Variants in GRIK2 observed in about 807,000 individuals in gnomAD.
GRIK2 encodes glutamate receptor ionotropic, kainate 2.
A neutral mutation model predicts 100.3 loss-of-function variants in GRIK2; 32 were observed. The observed-to-expected ratio is 0.32, with a 90% confidence interval of 0.24 to 0.43. The LOEUF is 0.43. GRIK2 is among the 20% of genes least tolerant of loss of function. The probability of loss-of-function intolerance (pLI) is 1.00; values close to 1 mark genes in which losing one functional copy is unlikely to be tolerated. For synonymous variants in GRIK2, 417 were observed against 389.4 expected, an observed-to-expected ratio of 1.07 and a Z score of -0.83; for missense variants, 843 against 1,114.9, an observed-to-expected ratio of 0.76 and a Z score of 3.47.
At chr6:101,742,004 T>C (rs1212831536) in intron 7 of GRIK2, among the ~76,000 whole-genome samples, 1 of 152,196 alleles carries the variant, frequency 6.6e-6, no homozygotes, top group Non-Finnish European at 1.5e-5. Flanking sequence ...AGGTCAACAC[T>C]CTGTTATACC....
chr6:101,797,056 C>A (rs932570781), intron 7 of GRIK2, among the ~76,000 whole-genome samples: 4 of 151,812 alleles, frequency 2.6e-5, no homozygotes, highest in Non-Finnish European at 4.4e-5. Context: ...TTATGTATGT[C>A]CTGTTAGATT....
chr6:101,694,653 A>G (rs1772350452), intron 7 of GRIK2, among the ~76,000 whole-genome samples: 1 of 152,014 alleles, frequency 6.6e-6, no homozygotes, highest in Non-Finnish European at 1.5e-5. Flanking sequence ...CTCTCATCAT[A>G]GAAGGAAGAG....
In GRIK2 at chr6:101,459,696, T is replaced by C. The variant is rs1771196049; in HGVS notation, c.115+60304T>C. On this transcript the variant is annotated intron_variant, in intron 2 of 16. Transcript: ENST00000369134. Reference sequence around the variant, plus strand: ...GGTGGCTAACGAATGAGTACCGAAATATAAAGGCTCACTCTAGAGTGTCCT... The same window carrying C: ...GGTGGCTAACGAATGAGTACCGAAACATAAAGGCTCACTCTAGAGTGTCCT... Among the ~76,000 whole-genome samples the C allele has an allele frequency of 3.9e-5, 6 of 152,126 alleles. No homozygotes were observed. The South Asian group carries it at 1.2e-3, about 31-fold the overall frequency.
intron 11 of GRIK2, among the ~76,000 whole-genome samples, chr6:101,868,142 A>G (rs1785169191): frequency 6.6e-6 from 1 of 151,462 alleles, no homozygotes; most frequent in South Asian, 2.1e-4. Context: ...ACTGGAAGCA[A>G]CTAATTTGTT....
intron 2 of GRIK2, among the ~76,000 whole-genome samples, chr6:101,495,097 A>G (rs1773365679): frequency 1.3e-5 from 2 of 150,786 alleles, no homozygotes; most frequent in South Asian, 2.1e-4. Flanking sequence ...TCTATAGTAT[A>G]TAAACTATTT....
intron 2 of GRIK2, among the ~76,000 whole-genome samples, chr6:101,478,760 G>A (rs755675510): frequency 6.6e-6 from 1 of 151,750 alleles, no homozygotes; most frequent in Non-Finnish European, 1.5e-5. Context: ...TCCTGACCTC[G>A]TGATCCGCTC....
rs1015098488 is a variant in GRIK2, at chr6:101,686,932, A to G, written c.951+579A>G. On this transcript the variant is annotated intron_variant, in intron 7 of 16. Coordinates refer to ENST00000369134, the MANE Select transcript of GRIK2 (RefSeq NM_021956.5). Reference sequence around the variant, plus strand: ...TATAACTTAGTTGTTTATGCCAAACAACTTTAGTTGTTTATACCAATGCTT... The same window carrying G: ...TATAACTTAGTTGTTTATGCCAAACGACTTTAGTTGTTTATACCAATGCTT... Among the ~76,000 whole-genome samples the G allele has an allele frequency of 5.7e-4, 86 of 152,112 alleles. 3 individuals are homozygous for G.
At position 101,581,662 on chromosome 6, in the gene GRIK2, T is replaced by A. The variant is rs1310616132; in HGVS notation, c.116-40287T>A. Among the ~76,000 whole-genome samples, 4 of 152,084 alleles carry A rather than the reference T, an allele frequency of 2.6e-5. No individual in the cohort carries two copies. The East Asian group carries it at 7.7e-4, about 29-fold the overall frequency. ...AGTGCTGCTTAAGATAGAGATGAAA[T>A]AAGAATACTCCATGCCTTCCAGAAA... On this transcript the variant is annotated intron_variant, in intron 2 of 16. Coordinates refer to ENST00000369134, the MANE Select transcript of GRIK2 (RefSeq NM_021956.5).
intron 10 of GRIK2, among the ~76,000 whole-genome samples, chr6:101,843,443 G>A (rs1042540957): frequency 2.0e-5 from 3 of 151,968 alleles, no homozygotes; most frequent in African/African-American, 4.8e-5. Context: ...TTCCATCTAC[G>A]CCACTTCTTT....
intron 7 of GRIK2, among the ~76,000 whole-genome samples, chr6:101,729,480 A>G (rs1234883554): frequency 6.6e-6 from 1 of 152,010 alleles, no homozygotes; most frequent in Non-Finnish European, 1.5e-5. Context: ...TTATGAAATT[A>G]TAGAATATAT....
chr6:101,895,816 A>G lies in GRIK2; in HGVS notation c.1748+5953A>G, dbSNP rs148453946. On this transcript the variant is annotated intron_variant, in intron 12 of 16. Transcript: ENST00000369134. ...AAATAAATTGCAGAAAAGCCTATTT[A>G]TTATTATTCTTCACACTTAGCAATT... Among the ~76,000 whole-genome samples, 1,204 of 151,806 alleles carry G rather than the reference A, an allele frequency of 7.9e-3. 22 individuals carry two copies. Among genetic ancestry groups the G allele is most frequent in the African/African-American group, 0.027 (1,140 of 41,504 alleles).
At chr6:101,937,760 A>G (rs1790706030) in intron 14 of GRIK2, among the ~76,000 whole-genome samples, 1 of 149,580 alleles carries the variant, frequency 6.7e-6, no homozygotes, top group African/African-American at 2.5e-5. Context: ...TGAAATATCT[A>G]TTGATCGTTT....
At chr6:101,699,625 T>C (rs1772740019) in intron 7 of GRIK2, among the ~76,000 whole-genome samples, 1 of 152,106 alleles carries the variant, frequency 6.6e-6, no homozygotes, top group Non-Finnish European at 1.5e-5. Flanking sequence ...TGATTCTTTG[T>C]AAATTTTTCC....
At position 101,719,566 on chromosome 6, in the gene GRIK2, C is replaced by T. The variant is rs1774327750; in HGVS notation, c.951+33213C>T. 3.3e-5 allele frequency among the ~76,000 whole-genome samples: 5 copies of T among 151,924 alleles called. No individual in the cohort carries two copies. In the South Asian group the frequency reaches 1.0e-3, roughly 31 times the overall value. On this transcript the variant is annotated intron_variant, in intron 7 of 16. Transcript: ENST00000369134. Reference sequence around the variant, plus strand: ...CCTTCAACAAGCTGGAATATAATAACATTAGGACTTTGGAGTTCAGTGGGC... The same window carrying T: ...CCTTCAACAAGCTGGAATATAATAATATTAGGACTTTGGAGTTCAGTGGGC...
chr6:101,404,330 A>G lies in GRIK2; in HGVS notation c.115+4938A>G, dbSNP rs1316499458. On this transcript the variant is annotated intron_variant, in intron 2 of 16. Coordinates refer to ENST00000369134, the MANE Select transcript of GRIK2 (RefSeq NM_021956.5). ...TATCATTGATTATCAAAGCCTTTTCAAGTTTTCTCACCATTACATAAAGTG... is the reference window on the plus strand; with the variant it reads ...TATCATTGATTATCAAAGCCTTTTCGAGTTTTCTCACCATTACATAAAGTG... Among the ~76,000 whole-genome samples, 5 of 152,220 alleles carry G rather than the reference A, an allele frequency of 3.3e-5. No homozygotes were observed. The East Asian group carries it at 9.6e-4, about 29-fold the overall frequency.
At chr6:101,635,081 T>C (rs2128321858) in intron 4 of GRIK2, among the ~76,000 whole-genome samples, 1 of 152,226 alleles carries the variant, frequency 6.6e-6, no homozygotes, top group Non-Finnish European at 1.5e-5. Context: ...TTATGAAGCA[T>C]ACAATCAAAT....
rs56712029 is a variant in GRIK2, at chr6:101,977,162, AT to A, written c.2085+48540del. On this transcript the variant is annotated intron_variant, in intron 14 of 16. Transcript: ENST00000369134. Reference sequence around the variant, plus strand: ...GAACTAAATAGGAGAGGGATTTATTATTTTTTTTTTACAAGAGAGGCTATAA... The same window carrying A: ...GAACTAAATAGGAGAGGGATTTATTATTTTTTTTTACAAGAGAGGCTATAA... Among the ~76,000 whole-genome samples, 184 of 149,084 alleles carry A rather than the reference AT, an allele frequency of 1.2e-3. 1 individual carries two copies. The highest frequency in any genetic ancestry group is 3.1e-3 in the African/African-American group (125 of 40,760).
intron 7 of GRIK2, among the ~76,000 whole-genome samples, chr6:101,764,450 T>A (rs187161439): frequency 0.016 from 2,468 of 151,806 alleles, 30 homozygotes; most frequent in African/African-American, 0.034. Flanking sequence ...TGTGTATGTG[T>A]GAGAGAGAGA....
chr6:102,057,695 C>T (rs1582801539), intron 16 of GRIK2, among the ~76,000 whole-genome samples: 1 of 151,930 alleles, frequency 6.6e-6, no homozygotes, highest in East Asian at 2.0e-4. Flanking sequence ...GCAGATGAGA[C>T]CCTTTCACAC....
Sources: allele counts gnomAD v4.1 joint callset (sites outside exome capture counted in the v4.1 genomes callset), GRCh38; gene constraint gnomAD v4.1.1; transcripts MANE v1.5; gene names NCBI Gene and HGNC (gene_info 2026-07-23, HGNC 2026-07-21).